The following CCSER1 variants were observed in gnomAD, a reference collection of about 807,000 sequenced individuals.
The protein encoded by CCSER1 is coiled-coil serine rich protein 1, also known as serine-rich coiled-coil domain-containing protein 1.
In CCSER1, 41 loss-of-function variants were observed where a neutral mutation model predicts 82.0. The observed-to-expected ratio is 0.50, with a 90% CI of 0.39 to 0.65. The LOEUF (loss-of-function observed/expected upper bound fraction) is 0.65. CCSER1 is among the 30% of genes least tolerant of loss of function. CCSER1 has a pLI of 0.00. For missense variants in CCSER1, 1,119 were observed against 1,064.2 expected (o/e 1.05, Z -0.72); for synonymous variants, 414 against 383.9 (o/e 1.08, Z -0.92).
At chr4:91,023,339 G>A (rs923984934) in intron 9 of CCSER1, among the ~76,000 whole-genome samples, 3 of 152,074 alleles carry the variant, frequency 2.0e-5, no homozygotes, top group Admixed American at 6.6e-5. Context: ...AAAAGAGCCC[G>A]CATTGCCAAG....
At chr4:91,110,985 G>T (rs1025311497) in intron 10 of CCSER1, among the ~76,000 whole-genome samples, 1 of 151,754 alleles carries the variant, frequency 6.6e-6, no homozygotes, top group Non-Finnish European at 1.5e-5. Flanking sequence ...ATAATAGTTG[G>T]CACTTCTTAG....
intron 10 of CCSER1, among the ~76,000 whole-genome samples, chr4:91,547,000 A>G (rs568314810): frequency 2.1e-4 from 24 of 114,466 alleles, no homozygotes; most frequent in African/African-American, 7.3e-4. Context: ...CCCATGTGCT[A>G]TTTAGGAGTG....
At chr4:91,378,718 T>C (rs1020476167) in intron 10 of CCSER1, among the ~76,000 whole-genome samples, 1 of 152,196 alleles carries the variant, frequency 6.6e-6, no homozygotes, top group African/African-American at 2.4e-5. Flanking sequence ...TGACTTCCTC[T>C]TTTCCTAGCT....
chr4:90,774,674 C>T (rs1752667019), intron 7 of CCSER1, among the ~76,000 whole-genome samples: 1 of 152,012 alleles, frequency 6.6e-6, no homozygotes. Context: ...TTATTAAGTG[C>T]TGTTAGCCAT....
At chr4:90,646,497 T>A (rs556831497) in intron 6 of CCSER1, among the ~76,000 whole-genome samples, 3 of 152,264 alleles carry the variant, frequency 2.0e-5, no homozygotes, top group East Asian at 3.9e-4. Flanking sequence ...GCTTCCTCTC[T>A]GTCAGGTTAA....
intron 10 of CCSER1, among the ~76,000 whole-genome samples, chr4:91,125,220 A>T (rs762787976): frequency 1.3e-5 from 2 of 151,726 alleles, no homozygotes; most frequent in South Asian, 2.1e-4. Context: ...AATTAGCATG[A>T]CACATGTTGT....
At chr4:91,475,954 T>C (rs1341564518) in intron 10 of CCSER1, among the ~76,000 whole-genome samples, 1 of 151,862 alleles carries the variant, frequency 6.6e-6, no homozygotes, top group Non-Finnish European at 1.5e-5. Flanking sequence ...TCCATCCATG[T>C]TGCTGCAAAT....
chr4:91,007,718 T>C (rs1205333742), intron 9 of CCSER1, among the ~76,000 whole-genome samples: 3 of 152,078 alleles, frequency 2.0e-5, no homozygotes, highest in African/African-American at 7.2e-5. Flanking sequence ...TTGTATTGTT[T>C]TTGTCATCTT....
chr4:90,551,704 C>CTATATATATATA (rs1242206717), intron 5 of CCSER1, among the ~76,000 whole-genome samples: 82 of 107,552 alleles, frequency 7.6e-4, no homozygotes, highest in Middle Eastern at 5.3e-3. Context: ...CTCTCTCTCT[C>CTATATATATATA]TCTATATATA....
At chr4:90,181,012 TCTTTA>T (rs1733636925) in intron 1 of CCSER1, among the ~76,000 whole-genome samples, 1 of 152,162 alleles carries the variant, frequency 6.6e-6, no homozygotes, top group Admixed American at 6.6e-5. Context: ...ATAACAGTAA[TCTTTA>T]CTTCATGTGT....
intron 9 of CCSER1, among the ~76,000 whole-genome samples, chr4:90,999,740 T>C (rs572558976): frequency 6.6e-6 from 1 of 152,286 alleles, no homozygotes; most frequent in South Asian, 2.1e-4. Context: ...TTTAATTAGG[T>C]CCCACTTGTC....
chr4:90,336,119 GA>G (rs1188644846), intron 3 of CCSER1, among the ~76,000 whole-genome samples: 4 of 151,884 alleles, frequency 2.6e-5, no homozygotes, highest in Non-Finnish European at 4.4e-5. Flanking sequence ...TTTTTTTCTA[GA>G]CACTAGACCT....
At chr4:91,415,115 C>T (rs150494295) in intron 10 of CCSER1, among the ~76,000 whole-genome samples, 19 of 152,260 alleles carry the variant, frequency 1.2e-4, no homozygotes, top group African/African-American at 4.6e-4. Context: ...TTCCATCTAA[C>T]AGCATCAGAA....
intron 9 of CCSER1, among the ~76,000 whole-genome samples, chr4:91,031,608 G>A (rs978600742): frequency 1.4e-4 from 21 of 151,824 alleles, no homozygotes; most frequent in Admixed American, 3.9e-4. Flanking sequence ...TTTTCTGTGG[G>A]GCGCTTAAAA....
chr4:90,157,510 C>G (rs1360167459), intron 1 of CCSER1, among the ~76,000 whole-genome samples: 1 of 152,204 alleles, frequency 6.6e-6, no homozygotes, highest in African/African-American at 2.4e-5. Flanking sequence ...TTCAGATACA[C>G]CAATCAGACG....
chr4:90,938,673 A>G, intron 9 of CCSER1: 2 of 372,066 alleles, frequency 5.4e-6, no homozygotes, highest in South Asian at 2.2e-5. Flanking sequence ...TCTTCTTTTC[A>G]AGGCCCTGTG....
intron 10 of CCSER1, among the ~76,000 whole-genome samples, chr4:91,562,404 T>G (rs1762694764): frequency 6.6e-6 from 1 of 151,588 alleles, no homozygotes; most frequent in African/African-American, 2.4e-5. Context: ...TAAGTATCAT[T>G]GTTTTCAGAA....
chr4:90,923,557 C>T (rs756795438), intron 9 of CCSER1, 110 bp downstream of exon 9: 108 of 712,566 alleles, frequency 1.5e-4, no homozygotes, highest in Admixed American at 2.9e-4. Flanking sequence ...CAGGATTTAG[C>T]GGTGCACCAT....
intron 10 of CCSER1, among the ~76,000 whole-genome samples, chr4:91,216,170 A>G (rs1219696222): frequency 1.3e-5 from 2 of 152,278 alleles, no homozygotes; most frequent in East Asian, 3.9e-4. Flanking sequence ...TCAGACCTGC[A>G]GCTGGTCAAG....
Sources: allele counts gnomAD v4.1 joint callset (sites outside exome capture counted in the v4.1 genomes callset), GRCh38; gene constraint gnomAD v4.1.1; transcripts MANE v1.5; gene names NCBI Gene and HGNC (gene_info 2026-07-23, HGNC 2026-07-21).